Variants in IL18RAP observed in about 807,000 individuals in gnomAD.
The protein encoded by IL18RAP is interleukin 18 receptor accessory protein.
A neutral mutation model predicts 58.1 loss-of-function variants in IL18RAP; 37 were observed. That is an observed-to-expected ratio of 0.64 (90% confidence interval 0.49 to 0.84). The LOEUF (loss-of-function observed/expected upper bound fraction) is 0.84, where lower values mean the gene tolerates loss of function less well. IL18RAP is among the 40% of genes least tolerant of loss of function. IL18RAP has a pLI of 0.00. For synonymous variants in IL18RAP, 268 were observed against 257.5 expected (o/e 1.04, Z -0.39); for missense variants, 667 against 704.8 (o/e 0.95, Z 0.61).
chr2:102,427,168 G>T (rs1682003107), intron 3 of IL18RAP, among the ~76,000 whole-genome samples: 1 of 152,130 alleles, frequency 6.6e-6, no homozygotes, highest in Non-Finnish European at 1.5e-5. Flanking sequence ...GGACACTAAG[G>T]TTGATTCCAT....
At chr2:102,450,332 C>T (rs1435263159) in intron 8 of IL18RAP, among the ~76,000 whole-genome samples, 11 of 137,882 alleles carry the variant, frequency 8.0e-5, no homozygotes, top group Non-Finnish European at 1.7e-4. Context: ...CTCATGAAAC[C>T]CTTAAAACAG....
intron 8 of IL18RAP, among the ~76,000 whole-genome samples, chr2:102,449,015 T>A (rs1302054902): frequency 7.4e-6 from 1 of 136,038 alleles, no homozygotes; most frequent in Non-Finnish European, 1.5e-5. Context: ...ACATGTGTAA[T>A]CCCAGCACTT....
At chr2:102,422,585 G>C (rs1177484108), upstream of IL18RAP, among the ~76,000 whole-genome samples, 2 of 152,148 alleles carry the variant, frequency 1.3e-5, no homozygotes, top group Non-Finnish European at 2.9e-5. Flanking sequence ...GCCTTATCAA[G>C]AGAGGGGACT....
chr2:102,422,126 C>T (rs537819177), upstream of IL18RAP, among the ~76,000 whole-genome samples: 16 of 152,286 alleles, frequency 1.1e-4, no homozygotes, highest in South Asian at 4.1e-4. Context: ...CACCCTGAAG[C>T]TCTCCGTTAT....
At chr2:102,439,715 T>C (rs1432782153) in intron 4 of IL18RAP, 1 of 152,192 alleles carries the variant, frequency 6.6e-6, no homozygotes, top group Admixed American at 6.5e-5. Context: ...GTGGTACCAT[T>C]TAAGGAGACT....
chr2:102,438,646 CAT>C (rs1282520570), intron 4 of IL18RAP: 5 of 152,162 alleles, frequency 3.3e-5, no homozygotes, highest in Non-Finnish European at 7.4e-5. Context: ...CACCTTGCAA[CAT>C]CTGTTGCATC....
chr2:102,447,630 T>G (rs1683506949), intron 8 of IL18RAP, among the ~76,000 whole-genome samples: 1 of 152,132 alleles, frequency 6.6e-6, no homozygotes, highest in Admixed American at 6.5e-5. Flanking sequence ...AAAACAGGAT[T>G]GTCATAGCAC....
chr2:102,433,341 G>A (rs1419096490), intron 3 of IL18RAP, among the ~76,000 whole-genome samples: 2 of 152,184 alleles, frequency 1.3e-5, no homozygotes, highest in East Asian at 1.9e-4. Flanking sequence ...TCCAGCCTTA[G>A]CATCTCAAGT....
chr2:102,428,501 T>C (rs903391333), intron 3 of IL18RAP, among the ~76,000 whole-genome samples: 5 of 151,868 alleles, frequency 3.3e-5, no homozygotes, highest in Admixed American at 2.6e-4. Context: ...TTTCCTTTTC[T>C]GCAGACAGTT....
chr2:102,443,108 G>A (rs1371710690), intron 5 of IL18RAP, 92 bp from the exon 6 acceptor site: 8 of 1,269,422 alleles, frequency 6.3e-6, no homozygotes, highest in African/African-American at 6.0e-5. Context: ...ATTGCATCAG[G>A]AGACAGCTTC....
chr2:102,423,784 ATGTG>A, intron 1 of IL18RAP, 23 bp from the exon 2 acceptor site: 1 of 1,295,442 alleles, frequency 7.7e-7, no homozygotes, highest in Non-Finnish European at 1.1e-6. Context: ...ATGTGTTTCC[ATGTG>A]CTTTGTTTAT....
chr2:102,440,573 AG>A (rs1245584131), intron 4 of IL18RAP: 1 of 152,180 alleles, frequency 6.6e-6, no homozygotes, highest in Non-Finnish European at 1.5e-5. Flanking sequence ...TCTCTTTTTT[AG>A]GATGATGAGA....
chr2:102,422,530 A>G (rs1681640369), upstream of IL18RAP, among the ~76,000 whole-genome samples: 1 of 152,092 alleles, frequency 6.6e-6, no homozygotes, highest in Admixed American at 6.6e-5. Context: ...CTCCAGCTGG[A>G]TCCCCAAGAT....
At chr2:102,434,672 C>T (rs573859756) in intron 3 of IL18RAP, 10 of 152,280 alleles carry the variant, frequency 6.6e-5, no homozygotes, top group Admixed American at 4.6e-4. Flanking sequence ...AAAGGGCACT[C>T]GAATGCCCTA....
chr2:102,442,279 CTG>C (rs1478020809), intron 5 of IL18RAP, among the ~76,000 whole-genome samples: 2 of 151,754 alleles, frequency 1.3e-5, no homozygotes, highest in African/African-American at 4.8e-5. Context: ...AAATAAAATG[CTG>C]TTTTTCTTTT....
At chr2:102,446,441 T>C (rs1683421083) in intron 7 of IL18RAP, among the ~76,000 whole-genome samples, 1 of 152,132 alleles carries the variant, frequency 6.6e-6, no homozygotes, top group Non-Finnish European at 1.5e-5. Context: ...TCGTCTTTTA[T>C]CCCTCACTCC....
chr2:102,437,457 A>G (rs1354735331), intron 4 of IL18RAP, 95 bp downstream of exon 4: 1 of 1,248,382 alleles, frequency 8.0e-7, no homozygotes, highest in East Asian at 2.4e-5. Context: ...AGGGAAAGAA[A>G]AGGATAGTCA....
At chr2:102,426,035 G>T (rs1308911354) in intron 3 of IL18RAP, among the ~76,000 whole-genome samples, 1 of 152,064 alleles carries the variant, frequency 6.6e-6, no homozygotes, top group Non-Finnish European at 1.5e-5. Flanking sequence ...CTGGTTTTGT[G>T]AATTACACAT....
chr2:102,433,007 T>G (rs1375085722), intron 3 of IL18RAP, among the ~76,000 whole-genome samples: 1 of 152,138 alleles, frequency 6.6e-6, no homozygotes, highest in African/African-American at 2.4e-5. Flanking sequence ...AAGTCAAAAT[T>G]ATAATCAAGG....
Sources: allele counts gnomAD v4.1 joint callset (sites outside exome capture counted in the v4.1 genomes callset), GRCh38; gene constraint gnomAD v4.1.1; transcripts MANE v1.5; gene names NCBI Gene and HGNC (gene_info 2026-07-23, HGNC 2026-07-21).